The following TMTC1 variants were observed in gnomAD, a reference collection of about 807,000 sequenced individuals.
TMTC1 encodes protein O-mannosyl-transferase TMTC1.
Under a neutral mutation model 104.8 loss-of-function variants are expected in TMTC1, and 73 were observed. The ratio of observed to expected loss-of-function variants is 0.70; its 90% confidence interval spans 0.58 to 0.85. The LOEUF is 0.85. Among genes scored for constraint, TMTC1 ranks in the 40% least tolerant of loss-of-function variants. TMTC1 has a pLI of 0.00. For synonymous variants in TMTC1, 434 were observed against 428.7 expected, an observed-to-expected ratio of 1.01 and a Z score of -0.15; for missense variants, 1,035 against 1,096.1, an observed-to-expected ratio of 0.94 and a Z score of 0.79.
At chr12:29,694,408 A>T (rs1020174178) in intron 5 of TMTC1, among the ~76,000 whole-genome samples, 1 of 152,182 alleles carries the variant, frequency 6.6e-6, no homozygotes, top group African/African-American at 2.4e-5. Flanking sequence ...TTTGCATGTA[A>T]TCTACACACA....
At chr12:29,654,809 A>G (rs1411960692) in intron 5 of TMTC1, among the ~76,000 whole-genome samples, 2 of 152,206 alleles carry the variant, frequency 1.3e-5, no homozygotes, top group Non-Finnish European at 2.9e-5. Flanking sequence ...ATATGCTACA[A>G]CATGGATGAA....
At chr12:29,669,869 G>A (rs1940438164) in intron 5 of TMTC1, among the ~76,000 whole-genome samples, 1 of 152,268 alleles carries the variant, frequency 6.6e-6, no homozygotes, top group Non-Finnish European at 1.5e-5. Context: ...TATTCATGAA[G>A]TGGGCAGAAC....
intron 5 of TMTC1, among the ~76,000 whole-genome samples, chr12:29,675,682 G>A (rs1940703348): frequency 6.6e-6 from 1 of 151,900 alleles, no homozygotes; most frequent in African/African-American, 2.4e-5. Flanking sequence ...AAAAACGAGT[G>A]TTTCTCTGGT....
At chr12:29,533,939 A>C (rs539037118) in intron 11 of TMTC1, 1 of 152,262 alleles carries the variant, frequency 6.6e-6, no homozygotes, top group South Asian at 2.1e-4. Flanking sequence ...GCTTTTTGGC[A>C]TGACACTGAC....
chr12:29,773,763 G>C, intron 1 of TMTC1, among the ~76,000 whole-genome samples: 1 of 152,116 alleles, frequency 6.6e-6, no homozygotes, highest in East Asian at 1.9e-4. Flanking sequence ...CTGTGTCCCA[G>C]AGGCCCATCA....
intron 11 of TMTC1, among the ~76,000 whole-genome samples, chr12:29,530,471 C>G (rs1944471731): frequency 6.6e-6 from 1 of 152,170 alleles, no homozygotes; most frequent in Non-Finnish European, 1.5e-5. Flanking sequence ...TCCATGGAGA[C>G]TGTGCATAGG....
chr12:29,514,630 A>T (rs1185075133), intron 15 of TMTC1, 26 bp from the exon 16 acceptor site: 2 of 1,591,180 alleles, frequency 1.3e-6, no homozygotes, highest in Non-Finnish European at 1.7e-6. Flanking sequence ...ATTAAGACAG[A>T]ATAAATGCAG....
chr12:29,610,143 C>CT (rs557639418), intron 6 of TMTC1, among the ~76,000 whole-genome samples: 45 of 152,340 alleles, frequency 3.0e-4, no homozygotes, highest in African/African-American at 1.1e-3. Flanking sequence ...TGCCAGGAAT[C>CT]TGATGGATTG....
intron 5 of TMTC1, among the ~76,000 whole-genome samples, chr12:29,683,920 T>C (rs984020809): frequency 3.3e-5 from 5 of 151,746 alleles, no homozygotes; most frequent in African/African-American, 1.2e-4. Context: ...CTCGGCTCAC[T>C]GCAACCTCCG....
intron 9 of TMTC1, among the ~76,000 whole-genome samples, chr12:29,560,934 G>A (rs1945361432): frequency 6.6e-6 from 1 of 152,138 alleles, no homozygotes; most frequent in Non-Finnish European, 1.5e-5. Flanking sequence ...GACCTAGGAT[G>A]TGTAAATGGT....
At chr12:29,626,716 C>T (rs769271459) in intron 6 of TMTC1, among the ~76,000 whole-genome samples, 1 of 152,176 alleles carries the variant, frequency 6.6e-6, no homozygotes, top group Non-Finnish European at 1.5e-5. Context: ...CATAAATCTT[C>T]ATGACCTTGG....
intron 6 of TMTC1, among the ~76,000 whole-genome samples, chr12:29,615,678 A>C (rs1454690180): frequency 4.6e-5 from 7 of 152,176 alleles, no homozygotes; most frequent in Non-Finnish European, 1.0e-4. Context: ...ATCTATATAC[A>C]CATTTCTAAT....
chr12:29,701,405 T>C (rs1009472205), intron 5 of TMTC1, among the ~76,000 whole-genome samples: 1 of 152,176 alleles, frequency 6.6e-6, no homozygotes, highest in East Asian at 1.9e-4. Flanking sequence ...TCCTGCAAGA[T>C]GGAGGGCTCC....
chr12:29,604,027 C>T (rs1174394618), intron 7 of TMTC1, 151 bp downstream of exon 7: 2 of 1,045,584 alleles, frequency 1.9e-6, no homozygotes, highest in East Asian at 5.5e-5. Context: ...CTCATCCAAC[C>T]TTCTGTGTGG....
chr12:29,561,672 A>T (rs551890450), intron 9 of TMTC1, among the ~76,000 whole-genome samples: 1 of 152,318 alleles, frequency 6.6e-6, no homozygotes, highest in Non-Finnish European at 1.5e-5. Context: ...ATTTACTTTA[A>T]ATTTTGTACA....
chr12:29,557,077 C>A, intron 9 of TMTC1, 77 bp from the exon 10 acceptor site: 1 of 1,522,294 alleles, frequency 6.6e-7, no homozygotes. Flanking sequence ...TCTTCTTCCC[C>A]CAAGTATGAA....
Position 29,767,887 on chromosome 12 carries a change from A to G in TMTC1, c.480+11T>C, listed in dbSNP as rs367734645. ...ATATTCGTTATTTCACTGAGATCCA[A>G]TTACACTTACCGCCTCAGTATGAAT... On this transcript the variant is annotated intron_variant, in intron 2 of 17. Coordinates refer to ENST00000539277, the MANE Select transcript of TMTC1 (RefSeq NM_001193451.2). The G allele has an allele frequency of 2.1e-4, 341 of 1,613,144 alleles. 2 individuals are homozygous for G. In the Middle Eastern group the frequency reaches 6.8e-3, roughly 32 times the overall value.
intron 1 of TMTC1, among the ~76,000 whole-genome samples, chr12:29,778,736 T>C (rs142134458): frequency 3.9e-5 from 6 of 152,312 alleles, no homozygotes; most frequent in African/African-American, 1.4e-4. Context: ...AGATGGTCAT[T>C]TGTATCAGTT....
At chr12:29,552,990 A>AT (rs1945145755) in intron 10 of TMTC1, among the ~76,000 whole-genome samples, 1 of 152,196 alleles carries the variant, frequency 6.6e-6, no homozygotes, top group Non-Finnish European at 1.5e-5. Flanking sequence ...TCTAAGTGCT[A>AT]TTTTCTGGGT....
Sources: allele counts gnomAD v4.1 joint callset (sites outside exome capture counted in the v4.1 genomes callset), GRCh38; gene constraint gnomAD v4.1.1; transcripts MANE v1.5; gene names NCBI Gene and HGNC (gene_info 2026-07-23, HGNC 2026-07-21).